LINGO2: variants seen among roughly 807,000 people sequenced by gnomAD.
LINGO2 encodes the protein leucine-rich repeat and immunoglobulin-like domain-containing nogo receptor-interacting protein 2.
LINGO2 carries 14 observed loss-of-function variants against 30.6 expected under a neutral mutation model. The ratio of observed to expected loss-of-function variants is 0.46; its 90% CI spans 0.30 to 0.72. The LOEUF (loss-of-function observed/expected upper bound fraction) is 0.72. Ranked by LOEUF, LINGO2 falls within the 30% of genes least tolerant of loss-of-function variation. LINGO2 has a pLI of 0.07. For missense variants in LINGO2, 729 were observed against 751.7 expected, an observed-to-expected ratio of 0.97 and a Z score of 0.35; for synonymous variants, 317 against 288.5, an observed-to-expected ratio of 1.10 and a Z score of -1.00.
At chr9:28,886,279 A>C in the LINGO2 span, among the ~76,000 whole-genome samples, 2 of 152,156 alleles carry the variant, frequency 1.3e-5, no homozygotes, top group Non-Finnish European at 2.9e-5. Flanking sequence ...TAACATAATT[A>C]GGATAGAAAA....
intron 2 of LINGO2, among the ~76,000 whole-genome samples, chr9:28,431,412 C>T (rs749151308): frequency 7.2e-5 from 11 of 151,826 alleles, no homozygotes; most frequent in East Asian, 3.9e-4. Context: ...AAAGAGAGAG[C>T]GCAATCAAAG....
chr9:29,198,986 G>A, the LINGO2 span, among the ~76,000 whole-genome samples: 1 of 152,228 alleles, frequency 6.6e-6, no homozygotes, highest in Non-Finnish European at 1.5e-5. Flanking sequence ...GGCTACATTA[G>A]GCTGTGGTAA....
chr9:28,413,312 A>T (rs2134828704), intron 2 of LINGO2, among the ~76,000 whole-genome samples: 1 of 152,214 alleles, frequency 6.6e-6, no homozygotes, highest in African/African-American at 2.4e-5. Flanking sequence ...CTATCATTTA[A>T]GCTTTCATTT....
the LINGO2 span, among the ~76,000 whole-genome samples, chr9:28,809,012 T>C: frequency 6.6e-6 from 1 of 152,188 alleles, no homozygotes; most frequent in Non-Finnish European, 1.5e-5. Flanking sequence ...TTTTTATCAT[T>C]ATACTATAAA....
intron 3 of LINGO2, among the ~76,000 whole-genome samples, chr9:28,317,613 A>G (rs913739276): frequency 5.9e-5 from 9 of 152,074 alleles, no homozygotes; most frequent in African/African-American, 2.2e-4. Context: ...TGAAATTTTA[A>G]TGGATTCATT....
At chr9:28,918,275 T>A in the LINGO2 span, among the ~76,000 whole-genome samples, 2 of 152,112 alleles carry the variant, frequency 1.3e-5, no homozygotes, top group Admixed American at 6.5e-5. Flanking sequence ...ACTTATACCC[T>A]GCAATGAGAA....
At chr9:29,118,019 T>C in the LINGO2 span, among the ~76,000 whole-genome samples, 1 of 152,310 alleles carries the variant, frequency 6.6e-6, no homozygotes, top group African/African-American at 2.4e-5. Context: ...TTATCCATTT[T>C]GCCCCAGAAT....
At chr9:28,516,701 C>T (rs898568022) in intron 1 of LINGO2, among the ~76,000 whole-genome samples, 1 of 152,176 alleles carries the variant, frequency 6.6e-6, no homozygotes, top group African/African-American at 2.4e-5. Context: ...GCTGTTGTTG[C>T]AGTGTTACTG....
At chr9:29,172,540 T>A in the LINGO2 span, among the ~76,000 whole-genome samples, 1 of 151,932 alleles carries the variant, frequency 6.6e-6, no homozygotes, top group African/African-American at 2.4e-5. Flanking sequence ...TAAATTTCGG[T>A]CACTTATAAA....
the LINGO2 span, among the ~76,000 whole-genome samples, chr9:28,728,114 G>A: frequency 6.6e-6 from 1 of 152,060 alleles, no homozygotes; most frequent in Non-Finnish European, 1.5e-5. Context: ...TTGAGGTCCA[G>A]TTTTAAAGAA....
chr9:28,993,536 T>C, the LINGO2 span, among the ~76,000 whole-genome samples: 5 of 151,790 alleles, frequency 3.3e-5, no homozygotes, highest in Admixed American at 6.6e-5. Flanking sequence ...ATCATCCTGA[T>C]ACCAAAGCCG....
the LINGO2 span, among the ~76,000 whole-genome samples, chr9:28,899,711 C>T: frequency 7.2e-5 from 11 of 152,294 alleles, no homozygotes; most frequent in African/African-American, 9.6e-5. Context: ...GTCTGGCACA[C>T]ATAGCCCCAG....
At chr9:28,611,626 A>C (rs1825918871) in intron 1 of LINGO2, among the ~76,000 whole-genome samples, 1 of 152,074 alleles carries the variant, frequency 6.6e-6, no homozygotes, top group African/African-American at 2.4e-5. Flanking sequence ...ATATATAAGT[A>C]GAATCATGTA....
At chr9:28,105,712 C>T (rs1273458956) in intron 4 of LINGO2, among the ~76,000 whole-genome samples, 1 of 151,650 alleles carries the variant, frequency 6.6e-6, no homozygotes, top group Non-Finnish European at 1.5e-5. Flanking sequence ...CAAGAGGAAC[C>T]TGTCTCACTC....
At chr9:29,015,056 A>G in the LINGO2 span, among the ~76,000 whole-genome samples, 8 of 152,146 alleles carry the variant, frequency 5.3e-5, no homozygotes, top group African/African-American at 1.9e-4. Flanking sequence ...CCCACACTTC[A>G]TGAACCGGCA....
chr9:29,000,683 CAT>C, the LINGO2 span, among the ~76,000 whole-genome samples: 2 of 151,904 alleles, frequency 1.3e-5, no homozygotes, highest in Non-Finnish European at 2.9e-5. Flanking sequence ...CTCTGAAGTA[CAT>C]GTCACCTTTG....
the LINGO2 span, among the ~76,000 whole-genome samples, chr9:28,971,977 T>C: frequency 3.9e-5 from 6 of 152,200 alleles, no homozygotes; most frequent in African/African-American, 1.4e-4. Flanking sequence ...TGGAAGAAAG[T>C]AAGGGAAGAG....
chr9:29,108,792 C>A, the LINGO2 span, among the ~76,000 whole-genome samples: 1 of 152,114 alleles, frequency 6.6e-6, no homozygotes, highest in Non-Finnish European at 1.5e-5. Flanking sequence ...CTGAAGTGGG[C>A]ACCAACACTG....
intron 1 of LINGO2, among the ~76,000 whole-genome samples, chr9:28,668,201 G>A (rs12553037): frequency 8.5e-5 from 13 of 152,116 alleles, no homozygotes; most frequent in Non-Finnish European, 1.9e-4. Flanking sequence ...TTCAGTACCC[G>A]AGGTGGAGTG....
Sources: gnomAD v4.1 joint callset for allele counts (sites outside exome capture counted in the v4.1 genomes callset) on GRCh38, gnomAD v4.1.1 for gene constraint, MANE v1.5 for transcripts, NCBI Gene and HGNC (gene_info 2026-07-23, HGNC 2026-07-21) for gene names.